The following ACO2 variants were observed in gnomAD, a reference collection of about 807,000 sequenced individuals.
ACO2 encodes aconitase 2.
Under a neutral mutation model 84.5 loss-of-function variants are expected in ACO2, and 31 were observed. The observed-to-expected ratio is 0.37, with a 90% CI of 0.28 to 0.50. ACO2 has a LOEUF of 0.50. Among genes scored for constraint, ACO2 ranks in the 20% least tolerant of loss-of-function variants. The pLI is 0.97. For synonymous variants in ACO2, 414 were observed against 412.7 expected (o/e 1.00, Z -0.04); for missense variants, 685 against 1,029.3 (o/e 0.67, Z 4.58).
At chr22:41,481,525 T>C (rs758711975) in intron 1 of ACO2, among the ~76,000 whole-genome samples, 12 of 152,230 alleles carry the variant, frequency 7.9e-5, no homozygotes, top group Admixed American at 2.0e-4. Context: ...GTTTCGATTG[T>C]AGTATTCTCT....
chr22:41,527,279 G>C lies in ACO2; in HGVS notation c.1954-9G>C, dbSNP rs746996142. Reference sequence around the variant, plus strand: ...CTGCCTTATAACCTTACCCCCGCTTGCCTGACAGAAACATGGCATCAGGTG... The same window carrying C: ...CTGCCTTATAACCTTACCCCCGCTTCCCTGACAGAAACATGGCATCAGGTG... On this transcript the variant is annotated splice_polypyrimidine_tract_variant and intron_variant, in intron 15 of 17. Coordinates refer to ENST00000216254, the MANE Select transcript of ACO2 (RefSeq NM_001098.3). 1.4e-5 allele frequency: 23 copies of C among 1,614,176 alleles called. No homozygotes were observed. In the South Asian group the frequency reaches 2.3e-4, roughly 16 times the overall value.
At chr22:41,478,628 G>GT (rs1374761253) in intron 1 of ACO2, among the ~76,000 whole-genome samples, 1 of 152,126 alleles carries the variant, frequency 6.6e-6, no homozygotes, top group Non-Finnish European at 1.5e-5. Flanking sequence ...GGCCTGGTGA[G>GT]TATTTCTGCT....
At chr22:41,525,444 C>T in intron 14 of ACO2, 96 bp downstream of exon 14, 9 of 1,480,042 alleles carry the variant, frequency 6.1e-6, no homozygotes, top group South Asian at 3.7e-5. Flanking sequence ...GAAGTGAGCA[C>T]AGTCAAGACG....
chr22:41,500,063 G>A (rs2066343155), intron 2 of ACO2, among the ~76,000 whole-genome samples: 1 of 152,110 alleles, frequency 6.6e-6, no homozygotes, highest in Admixed American at 6.5e-5. Flanking sequence ...GGGAGAATCT[G>A]TGTTATCAAG....
At chr22:41,517,312 G>A (rs1427967480) in intron 6 of ACO2, 3 of 532,840 alleles carry the variant, frequency 5.6e-6, no homozygotes, top group African/African-American at 3.8e-5. Flanking sequence ...ACCCTGAGCT[G>A]GGGCCCTGAG....
chr22:41,517,003 T>C (rs1278217513), intron 6 of ACO2, among the ~76,000 whole-genome samples: 1 of 152,112 alleles, frequency 6.6e-6, no homozygotes, highest in Non-Finnish European at 1.5e-5. Context: ...CTGGAAAACT[T>C]GAGACACAGA....
Position 41,508,065 on chromosome 22 carries a change from C to T in ACO2, c.432+16C>T, listed in dbSNP as rs776871654. On this transcript the variant is annotated intron_variant, in intron 3 of 17. Transcript: ENST00000216254. ...CCGGGCCAAGGTGAGCAGAAGGTGG[C>T]TTTGGGGGTGGGCAAGTGGGCAAGA... 6.2e-7 allele frequency: 1 copy of T among 1,600,416 alleles called. No homozygotes were observed. Among genetic ancestry groups the T allele is most frequent in the Non-Finnish European group, 8.5e-7 (1 of 1,169,668 alleles).
chr22:41,528,222 TC>T, intron 17 of ACO2, 200 bp downstream of exon 17: 1 of 852,626 alleles, frequency 1.2e-6, no homozygotes, highest in Non-Finnish European at 1.8e-6. Flanking sequence ...CCCTCACACC[TC>T]CCCAACCTCC....
chr22:41,527,774 G>A, intron 16 of ACO2, 127 bp from the exon 17 acceptor site: 1 of 1,498,286 alleles, frequency 6.7e-7, no homozygotes, highest in Non-Finnish European at 9.0e-7. Flanking sequence ...GGGCCCCATA[G>A]TCACTGCCCG....
intron 12 of ACO2, among the ~76,000 whole-genome samples, 167 bp downstream of exon 12, chr22:41,524,108 C>T (rs1418647587): frequency 6.6e-6 from 1 of 152,168 alleles, no homozygotes; most frequent in Non-Finnish European, 1.5e-5. Flanking sequence ...CCTGGGGCTC[C>T]CTGGGTCATG....
In ACO2 at chr22:41,526,561, A is replaced by T. The variant is rs2066601185; in HGVS notation, c.1953+108A>T. ...GTGGAAACTGGGAAGGAGGCCGACC[A>T]AGCCCAAAGGGGACTGCTGTGGAAG... On this transcript the variant is annotated intron_variant, in intron 15 of 17. Coordinates refer to ENST00000216254, the MANE Select transcript of ACO2 (RefSeq NM_001098.3). 5 of 1,290,632 alleles carry T rather than the reference A, an allele frequency of 3.9e-6. No homozygotes were observed. In the African/African-American group the frequency reaches 4.4e-5, roughly 11 times the overall value. 79.9% of individuals were successfully genotyped at this position (1,290,632 alleles called of 1,614,324 possible).
At chr22:41,491,276 A>G (rs573425524) in intron 1 of ACO2, among the ~76,000 whole-genome samples, 1 of 152,314 alleles carries the variant, frequency 6.6e-6, no homozygotes, top group South Asian at 2.1e-4. Flanking sequence ...AATTTCCCAG[A>G]TACCAGATAG....
intron 2 of ACO2, among the ~76,000 whole-genome samples, chr22:41,500,397 A>G (rs1381446354): frequency 6.7e-6 from 1 of 148,780 alleles, no homozygotes. Flanking sequence ...AAATATATAT[A>G]TATTTGAGGC....
rs201102346 is a variant in ACO2, at chr22:41,528,569, C to T, written c.2299C>T (p.Arg767Cys). The change falls in exon 18 of 18, where the codon CGC (arginine) becomes TGC (cysteine). Residue 767 changes from arginine (R) to cysteine (C), a missense_variant. Physicochemically the swap from Arg to Cys is radical, Grantham distance 180. Coordinates refer to ENST00000216254, the MANE Select transcript of ACO2 (RefSeq NM_001098.3). ...CAACGAGACGCAGATTGAGTGGTTC[C>T]GCGCTGGCAGTGCCCTCAACAGAAT... The part of the protein sequence containing the change: ...TFNETQIEWF[R>C]AGSALNRMKE... 33 of 1,612,850 alleles carry T rather than the reference C, an allele frequency of 2.0e-5. No individual in the cohort carries two copies. Among genetic ancestry groups the T allele is most frequent in the South Asian group, 1.5e-4 (14 of 91,034 alleles).
chr22:41,527,270 C>G lies in ACO2; in HGVS notation c.1954-18C>G. The G allele has an allele frequency of 1.2e-6, 2 of 1,614,130 alleles. No individual in the cohort carries two copies. Among genetic ancestry groups the G allele is most frequent in the Non-Finnish European group, 1.7e-6 (2 of 1,179,998 alleles). On this transcript the variant is annotated intron_variant, in intron 15 of 17. Coordinates refer to ENST00000216254, the MANE Select transcript of ACO2 (RefSeq NM_001098.3). The stretch of plus-strand genomic sequence containing the variant: ...TGCCCTCCTCTGCCTTATAACCTTA[C>G]CCCCGCTTGCCTGACAGAAACATGG...
chr22:41,527,201 A>C, intron 15 of ACO2, 87 bp from the exon 16 acceptor site: 1 of 1,595,380 alleles, frequency 6.3e-7, no homozygotes, highest in South Asian at 1.1e-5. Flanking sequence ...CCCAGGCGCC[A>C]GGTGGGTGAG....
At chr22:41,498,858 C>G (rs2066333799) in intron 1 of ACO2, among the ~76,000 whole-genome samples, 1 of 152,108 alleles carries the variant, frequency 6.6e-6, no homozygotes, top group South Asian at 2.1e-4. Flanking sequence ...CTTTGGGAGG[C>G]CGAGGCAGAT....
intron 2 of ACO2, among the ~76,000 whole-genome samples, chr22:41,501,010 ATT>A (rs199959557): frequency 4.9e-5 from 7 of 144,074 alleles, no homozygotes; most frequent in Non-Finnish European, 1.1e-4. Context: ...AGCTGGGACT[ATT>A]TTTTTTTTTG....
chr22:41,499,974 C>A, intron 2 of ACO2, 112 bp downstream of exon 2: 1 of 1,331,990 alleles, frequency 7.5e-7, no homozygotes, highest in South Asian at 1.3e-5. Flanking sequence ...GTGGCAGGGT[C>A]AAGGTATTCA....
Sources: gnomAD v4.1 joint callset for allele counts (sites outside exome capture counted in the v4.1 genomes callset) on GRCh38, gnomAD v4.1.1 for gene constraint, MANE v1.5 for transcripts, NCBI Gene and HGNC (gene_info 2026-07-23, HGNC 2026-07-21) for gene names.